The following ERCC6 variants were observed in gnomAD, a reference collection of about 807,000 sequenced individuals.
The protein encoded by ERCC6 is DNA excision repair protein ERCC-6.
Under a neutral mutation model 158.7 loss-of-function variants are expected in ERCC6, and 116 were observed. That is an observed-to-expected ratio of 0.73 (90% CI 0.63 to 0.85). The LOEUF is 0.85. Among genes scored for constraint, ERCC6 ranks in the 40% least tolerant of loss-of-function variants. The probability of loss-of-function intolerance (pLI) is 0.00; values close to 1 mark genes in which losing one functional copy is unlikely to be tolerated. For missense variants in ERCC6, 1,698 were observed against 1,799.4 expected, an observed-to-expected ratio of 0.94 and a Z score of 1.02; for synonymous variants, 678 against 659.3, an observed-to-expected ratio of 1.03 and a Z score of -0.43.
rs1288072202 is a variant in ERCC6, at chr10:49,470,714, T to C, written c.3246A>G (p.Ala1082=). The stretch of plus-strand genomic sequence containing the variant: ...AAGGATCACTTCGATTAGAAGTTAC[T>C]GCATTTACTTCAGCTCCTTTAGCCT... ...KSEAKGAEVN[A]VTSNRSDPLK... The change falls in exon 18 of 21, where the codon GCA becomes GCG. Residue 1082 remains alanine (A), a synonymous_variant. Transcript: ENST00000355832. 6 of 1,614,040 alleles carry C rather than the reference T, an allele frequency of 3.7e-6. No individual in the cohort carries two copies. Among genetic ancestry groups the C allele is most frequent in the Admixed American group, 1.7e-5 (1 of 60,014 alleles).
At chr10:49,468,217 C>T (rs901922762) in intron 18 of ERCC6, among the ~76,000 whole-genome samples, 1 of 152,238 alleles carries the variant, frequency 6.6e-6, no homozygotes, top group African/African-American at 2.4e-5. Context: ...GGAGACTCTG[C>T]AGACCTGTGG....
chr10:49,538,327 A>G (rs533813681), intron 1 of ERCC6, among the ~76,000 whole-genome samples: 1 of 152,344 alleles, frequency 6.6e-6, no homozygotes, highest in African/African-American at 2.4e-5. Context: ...CTCCCAGTGC[A>G]ATGGAATGAC....
chr10:49,442,157 T>C, the ERCC6 span, among the ~76,000 whole-genome samples: 1 of 152,202 alleles, frequency 6.6e-6, no homozygotes, highest in African/African-American at 2.4e-5. Flanking sequence ...GCAGAAGAGT[T>C]AAACAAATGC....
Position 49,532,810 on chromosome 10 carries a change from T to A in ERCC6, c.155A>T (p.Asp52Val). The A allele has an allele frequency of 6.2e-7, 1 of 1,614,176 alleles. No individual in the cohort carries two copies. ...CCCCACAGCAGAGGTGGACAGCCCG[T>A]CACCCACAGAACGAAAGGAGAGGTA... ...EEYLSFRSVG[D>V]GLSTSAVGCA... The change falls in exon 2 of 21, where the codon GAC becomes GTC. Residue 52 changes from aspartate (D) to valine (V), a missense_variant. Coordinates refer to ENST00000355832, the MANE Select transcript of ERCC6 (RefSeq NM_000124.4).
intron 8 of ERCC6, among the ~76,000 whole-genome samples, chr10:49,486,180 C>T (rs1043060909): frequency 6.6e-6 from 1 of 152,156 alleles, no homozygotes; most frequent in Non-Finnish European, 1.5e-5. Flanking sequence ...CAAAATGACA[C>T]ATCCACAGCC....
At position 49,472,462 on chromosome 10, in the gene ERCC6, C is replaced by T; in HGVS notation, c.2838G>A (p.Glu946=). The T allele has an allele frequency of 6.2e-7, 1 of 1,614,090 alleles. No individual in the cohort carries two copies. Among genetic ancestry groups the T allele is most frequent in the Non-Finnish European group, 8.5e-7 (1 of 1,180,016 alleles). The change falls in exon 16 of 21, where the codon GAG becomes GAA. Residue 946 remains glutamate (E), a synonymous_variant. Transcript: ENST00000355832. ...TCTTCTGGCCTATTCTCCATGCTCG[C>T]TCCCGGGCCTGCAACAGAGAGAGAG... ...WNPSTDTQAR[E]RAWRIGQKKQ...
intron 4 of ERCC6, among the ~76,000 whole-genome samples, chr10:49,526,175 A>T (rs1837335631): frequency 7.5e-6 from 1 of 133,608 alleles, no homozygotes; most frequent in African/African-American, 2.9e-5. Context: ...GGGTATGCTA[A>T]GCTTTAGTAG....
At chr10:49,450,662 T>C (rs1330511443), downstream of ERCC6, among the ~76,000 whole-genome samples, 1 of 151,686 alleles carries the variant, frequency 6.6e-6, no homozygotes, top group Non-Finnish European at 1.5e-5. Context: ...ATTTAGGTCT[T>C]CTTTAATTAC....
chr10:49,463,051 C>T (rs1479514158), intron 18 of ERCC6, among the ~76,000 whole-genome samples: 1 of 152,200 alleles, frequency 6.6e-6, no homozygotes, highest in Admixed American at 6.5e-5. Flanking sequence ...AACTGTGGTA[C>T]AGGTTGAATA....
At chr10:49,535,386 T>G (rs887459845) in intron 1 of ERCC6, among the ~76,000 whole-genome samples, 1 of 152,026 alleles carries the variant, frequency 6.6e-6, no homozygotes, top group Non-Finnish European at 1.5e-5. Flanking sequence ...CTAAGGTCAT[T>G]TTGGAGGGTA....
chr10:49,468,724 G>A (rs1850720952), intron 18 of ERCC6, among the ~76,000 whole-genome samples: 1 of 152,160 alleles, frequency 6.6e-6, no homozygotes, highest in East Asian at 1.9e-4. Context: ...TAGCAGCAAT[G>A]AACACTCTGA....
chr10:49,448,027 C>T, the ERCC6 span, among the ~76,000 whole-genome samples: 29 of 152,174 alleles, frequency 1.9e-4, no homozygotes, highest in African/African-American at 6.7e-4. Context: ...TGTTTGAGCA[C>T]CAGTTTTCAG....
chr10:49,463,376 A>C (rs1850617852), intron 18 of ERCC6, among the ~76,000 whole-genome samples: 1 of 152,184 alleles, frequency 6.6e-6, no homozygotes, highest in Non-Finnish European at 1.5e-5. Context: ...AGAGCATTTT[A>C]GATTTCAGGT....
At chr10:49,510,923 T>C (rs967451486) in intron 5 of ERCC6, among the ~76,000 whole-genome samples, 1 of 150,668 alleles carries the variant, frequency 6.6e-6, no homozygotes. Flanking sequence ...GTCCACTGGA[T>C]AAAAATGGTT....
At chr10:49,498,480 G>A (rs1031065381) in intron 7 of ERCC6, among the ~76,000 whole-genome samples, 19 of 152,150 alleles carry the variant, frequency 1.2e-4, no homozygotes, top group Admixed American at 2.6e-4. Context: ...GGTCCAGTCC[G>A]CCCTGGTACA....
intron 3 of ERCC6, among the ~76,000 whole-genome samples, chr10:49,529,538 GACCC>G (rs1837419832): frequency 6.6e-6 from 1 of 152,156 alleles, no homozygotes; most frequent in Non-Finnish European, 1.5e-5. Flanking sequence ...GATTTGGGAG[GACCC>G]ACCTGCCTTG....
At chr10:49,536,382 C>T (rs1837599505) in intron 1 of ERCC6, among the ~76,000 whole-genome samples, 1 of 151,842 alleles carries the variant, frequency 6.6e-6, no homozygotes, top group Non-Finnish European at 1.5e-5. Context: ...GAAAGGTGTA[C>T]CAAAAGAGAC....
Position 49,491,638 on chromosome 10 carries a change from T to G in ERCC6, c.1821+1479A>C, listed in dbSNP as rs541240285. Among the ~76,000 whole-genome samples the G allele has an allele frequency of 2.6e-5, 4 of 152,348 alleles. No individual in the cohort carries two copies. In the South Asian group the frequency reaches 8.3e-4, roughly 32 times the overall value. Reference sequence around the variant, plus strand: ...ATTCTATTTCCATAATGAGTCCATGTATGTGGTTTACACGAAGGCAGTTCT... The same window carrying G: ...ATTCTATTTCCATAATGAGTCCATGGATGTGGTTTACACGAAGGCAGTTCT... On this transcript the variant is annotated intron_variant, in intron 8 of 20. Coordinates refer to ENST00000355832, the MANE Select transcript of ERCC6 (RefSeq NM_000124.4).
In ERCC6 at chr10:49,493,113, T is replaced by C. The variant is rs1344035737; in HGVS notation, c.1821+4A>G. 1.9e-6 allele frequency: 3 copies of C among 1,614,008 alleles called. No individual in the cohort carries two copies. The highest frequency in any genetic ancestry group is 1.6e-4 in the Middle Eastern group (1 of 6,062). On this transcript the variant is annotated splice_donor_region_variant and intron_variant, in intron 8 of 20. Coordinates refer to ENST00000355832, the MANE Select transcript of ERCC6 (RefSeq NM_000124.4). ...AACAAAAAGGTACTGAAATATTGTG[T>C]TACCTTTTTGTGGGTATAGGAACCG...
Sources: allele counts gnomAD v4.1 joint callset (sites outside exome capture counted in the v4.1 genomes callset), GRCh38; gene constraint gnomAD v4.1.1; transcripts MANE v1.5; gene names NCBI Gene and HGNC (gene_info 2026-07-23, HGNC 2026-07-21).